The following NBAS variants were observed in gnomAD, a reference collection of about 807,000 sequenced individuals.
NBAS encodes NAG/BC035112 fusion.
NBAS carries 219 observed loss-of-function variants against 302.5 expected under a neutral mutation model. The observed-to-expected ratio is 0.72, with a 90% CI of 0.65 to 0.81. The LOEUF (loss-of-function observed/expected upper bound fraction) is 0.81, where lower values mean the gene tolerates loss of function less well. NBAS is among the 30% of genes least tolerant of loss of function. The probability of loss-of-function intolerance (pLI) is 0.00; values close to 1 mark genes in which losing one functional copy is unlikely to be tolerated. For missense variants in NBAS, 2,932 were observed against 2,841.6 expected, an observed-to-expected ratio of 1.03 and a Z score of -0.72; for synonymous variants, 1,118 against 1,021.6, an observed-to-expected ratio of 1.09 and a Z score of -1.80.
chr2:14,856,040 C>T, the NBAS span, among the ~76,000 whole-genome samples: 27 of 152,300 alleles, frequency 1.8e-4, no homozygotes, highest in East Asian at 4.8e-3. Context: ...GCTTATATCA[C>T]TTCACCTACA....
At chr2:15,280,952 T>C (rs1308652348) in intron 42 of NBAS, among the ~76,000 whole-genome samples, 1 of 152,192 alleles carries the variant, frequency 6.6e-6, no homozygotes, top group African/African-American at 2.4e-5. Context: ...ACGTGATTTC[T>C]CAAGGAAAAC....
In NBAS at chr2:15,320,416, G is replaced by T. The variant is rs1302012063; in HGVS notation, c.4582+7334C>A. Among the ~76,000 whole-genome samples, 5 of 152,176 alleles carry T rather than the reference G, an allele frequency of 3.3e-5. No individual in the cohort carries two copies. The South Asian group carries it at 6.2e-4, about 19-fold the overall frequency. ...TGGCCAGGGCAATCAGGCAGGAGAA[G>T]GAAATAAAGGGTATTCAATTAGGAA... On this transcript the variant is annotated intron_variant, in intron 38 of 51. Coordinates refer to ENST00000281513, the MANE Select transcript of NBAS (RefSeq NM_015909.4).
the NBAS span, among the ~76,000 whole-genome samples, chr2:15,026,462 C>CAAAAAAAAAAAA: frequency 1.3e-3 from 6 of 4,532 alleles, no homozygotes; most frequent in Admixed American, 7.1e-3. Context: ...GACTCCGTCT[C>CAAAAAAAAAAAA]AAAAAAAAAA....
At chr2:14,930,068 C>A in the NBAS span, among the ~76,000 whole-genome samples, 1 of 152,286 alleles carries the variant, frequency 6.6e-6, no homozygotes, top group South Asian at 2.1e-4. Context: ...TGAGGCCTCC[C>A]AGCCATTCTT....
Position 15,561,314 on chromosome 2 carries a change from G to C in NBAS, c.-10C>G. Reference sequence around the variant, plus strand: ...ACTCGGGGGCCGCCATGTTCGCCGAGGACTCAGGCAGCGGAGGAGTGTCTC... The same window carrying C: ...ACTCGGGGGCCGCCATGTTCGCCGACGACTCAGGCAGCGGAGGAGTGTCTC... On this transcript the variant is annotated 5_prime_UTR_variant, in exon 1 of 52. Coordinates refer to ENST00000281513, the MANE Select transcript of NBAS (RefSeq NM_015909.4). The C allele has an allele frequency of 4.3e-6, 7 of 1,610,764 alleles. No individual in the cohort carries two copies. The highest frequency in any genetic ancestry group is 5.9e-6 in the Non-Finnish European group (7 of 1,178,952).
At chr2:15,027,492 C>T in the NBAS span, among the ~76,000 whole-genome samples, 1 of 151,928 alleles carries the variant, frequency 6.6e-6, no homozygotes, top group African/African-American at 2.4e-5. Flanking sequence ...CTATATCTAG[C>T]CACTTTACCA....
At chr2:15,267,513 A>C (rs886087948) in intron 44 of NBAS, among the ~76,000 whole-genome samples, 2 of 152,238 alleles carry the variant, frequency 1.3e-5, no homozygotes, top group Non-Finnish European at 1.5e-5. Flanking sequence ...TATAAAATTT[A>C]GTGGGGGAGA....
the NBAS span, among the ~76,000 whole-genome samples, chr2:14,904,178 G>T: frequency 1.3e-5 from 2 of 152,222 alleles, no homozygotes; most frequent in East Asian, 3.9e-4. Context: ...TAGGATAAAT[G>T]TACATATGAA....
the NBAS span, among the ~76,000 whole-genome samples, chr2:14,969,299 T>C: frequency 6.6e-6 from 1 of 152,108 alleles, no homozygotes; most frequent in Admixed American, 6.5e-5. Flanking sequence ...ATCTGAATAT[T>C]TGTGCAACTA....
the NBAS span, among the ~76,000 whole-genome samples, chr2:15,028,743 C>G: frequency 6.6e-6 from 1 of 152,306 alleles, no homozygotes; most frequent in Non-Finnish European, 1.5e-5. Context: ...CTCATACCTT[C>G]CTGACATTCC....
chr2:15,077,704 G>A, the NBAS span, among the ~76,000 whole-genome samples: 1 of 131,378 alleles, frequency 7.6e-6, no homozygotes, highest in Admixed American at 8.4e-5. Context: ...TTTTTTTTGA[G>A]ATGGGGTCTC....
At chr2:15,020,646 C>A in the NBAS span, among the ~76,000 whole-genome samples, 1 of 152,210 alleles carries the variant, frequency 6.6e-6, no homozygotes, top group Non-Finnish European at 1.5e-5. Context: ...GAGAACTCCA[C>A]TCCTGAGAGC....
At chr2:14,900,931 T>C in the NBAS span, among the ~76,000 whole-genome samples, 1 of 152,188 alleles carries the variant, frequency 6.6e-6, no homozygotes, top group East Asian at 1.9e-4. Context: ...AACCTGAATA[T>C]CTATGCCAAG....
intron 48 of NBAS, among the ~76,000 whole-genome samples, chr2:15,196,771 C>A (rs1195512057): frequency 6.6e-6 from 1 of 152,088 alleles, no homozygotes; most frequent in Non-Finnish European, 1.5e-5. Context: ...CTTCTACCTG[C>A]CTTTTGGTAC....
chr2:14,900,112 C>CTTTTTTTTTTTTTTT, the NBAS span, among the ~76,000 whole-genome samples: 7 of 140,636 alleles, frequency 5.0e-5, no homozygotes, highest in Non-Finnish European at 3.1e-5. Context: ...AAGTCACATG[C>CTTTTTTTTTTTTTTT]TTTTTTTTTT....
intron 40 of NBAS, among the ~76,000 whole-genome samples, chr2:15,301,482 A>C (rs918799953): frequency 6.6e-4 from 101 of 152,308 alleles, no homozygotes; most frequent in African/African-American, 2.4e-3. Flanking sequence ...ATGGGGGAAG[A>C]GTTTCTCCCC....
chr2:15,171,594 C>T (rs138451754), intron 51 of NBAS, among the ~76,000 whole-genome samples: 18 of 152,262 alleles, frequency 1.2e-4, no homozygotes, highest in African/African-American at 4.1e-4. Context: ...TCTTCTTCAT[C>T]GAAATTATCG....
At chr2:15,363,736 CCAAA>C (rs1476337772) in intron 32 of NBAS, among the ~76,000 whole-genome samples, 3 of 152,092 alleles carry the variant, frequency 2.0e-5, no homozygotes, top group Admixed American at 2.0e-4. Flanking sequence ...TAAAGATGTG[CCAAA>C]CAGTTATCTT....
chr2:14,929,758 GT>G, the NBAS span, among the ~76,000 whole-genome samples: 1 of 152,146 alleles, frequency 6.6e-6, no homozygotes, highest in South Asian at 2.1e-4. Flanking sequence ...TAGCACATGG[GT>G]TGCTAGTGCA....
Sources: allele counts gnomAD v4.1 joint callset (sites outside exome capture counted in the v4.1 genomes callset), GRCh38; gene constraint gnomAD v4.1.1; transcripts MANE v1.5; gene names NCBI Gene and HGNC (gene_info 2026-07-23, HGNC 2026-07-21).